The following ATRN variants were observed in gnomAD, a reference collection of about 807,000 sequenced individuals.
ATRN encodes attractin.
A neutral mutation model predicts 178.7 loss-of-function variants in ATRN; 54 were observed. The ratio of observed to expected loss-of-function variants is 0.30; its 90% CI spans 0.24 to 0.38. The LOEUF (loss-of-function observed/expected upper bound fraction) is 0.38. Among genes scored for constraint, ATRN ranks in the 10% least tolerant of loss-of-function variants. The pLI is 1.00. For synonymous variants in ATRN, 636 were observed against 663.0 expected (o/e 0.96, Z 0.63); for missense variants, 1,443 against 1,815.1 (o/e 0.79, Z 3.73).
At chr20:3,548,619 AAGAT>A (rs2085742609) in intron 5 of ATRN, among the ~76,000 whole-genome samples, 1 of 134,128 alleles carries the variant, frequency 7.5e-6, no homozygotes, top group African/African-American at 2.7e-5. Flanking sequence ...AAAAAAAAAA[AAGAT>A]AATACAAATA....
At chr20:3,582,110 A>G (rs938867568) in intron 15 of ATRN, 25 bp from the exon 16 acceptor site, 20 of 1,582,048 alleles carry the variant, frequency 1.3e-5, no homozygotes, top group Middle Eastern at 1.7e-4. Context: ...ATCTGTATTC[A>G]TAGTTGTGTC....
At chr20:3,590,239 C>G (rs1053990697) in intron 18 of ATRN, among the ~76,000 whole-genome samples, 17 of 152,208 alleles carry the variant, frequency 1.1e-4, no homozygotes, top group African/African-American at 4.1e-4. Flanking sequence ...GCATGAGCCA[C>G]CACACCCAGC....
chr20:3,604,055 C>G (rs755070462), intron 23 of ATRN, 50 bp from the exon 24 acceptor site: 1 of 1,503,854 alleles, frequency 6.6e-7, no homozygotes, highest in Non-Finnish European at 8.9e-7. Flanking sequence ...CTGTTCTCCC[C>G]CTAGCCCCCC....
chr20:3,604,366 G>A, intron 24 of ATRN, 104 bp downstream of exon 24: 1 of 1,345,674 alleles, frequency 7.4e-7, no homozygotes, highest in Non-Finnish European at 1.0e-6. Context: ...TGTGCAATGT[G>A]GCTTTGCCTT....
At chr20:3,583,075 G>A (rs910199929) in intron 16 of ATRN, among the ~76,000 whole-genome samples, 7 of 152,202 alleles carry the variant, frequency 4.6e-5, no homozygotes, top group African/African-American at 1.7e-4. Flanking sequence ...CCAATTTTGG[G>A]AAAGTAATTT....
intron 1 of ATRN, 40 bp downstream of exon 1, chr20:3,471,557 A>T: frequency 7.3e-7 from 1 of 1,370,378 alleles, no homozygotes; most frequent in Admixed American, 4.0e-5. Context: ...GTCCAACCAG[A>T]GGCTGGGGCT....
Position 3,646,992 on chromosome 20 carries a change from C to G in ATRN, c.*145C>G. 9.2e-7 allele frequency: 1 copy of G among 1,086,330 alleles called. No homozygotes were observed. Among genetic ancestry groups the G allele is most frequent in the Non-Finnish European group, 1.3e-6 (1 of 795,192 alleles). 67.3% of individuals were successfully genotyped at this position (1,086,330 alleles called of 1,614,324 possible). A position where few individuals can be genotyped will look rare whatever the true frequency, so the allele number is the denominator to read the frequency against. ...AAAGCATCTGACTCACCTGCATGAT[C>G]ACAAGCTTTCTTTGACGGTTTCTCC... On this transcript the variant is annotated 3_prime_UTR_variant, in exon 29 of 29. Coordinates refer to ENST00000262919, the MANE Select transcript of ATRN (RefSeq NM_139321.3).
chr20:3,564,088 T>G lies in ATRN; in HGVS notation c.1786+725T>G, dbSNP rs1044460762. 2.0e-5 allele frequency among the ~76,000 whole-genome samples: 3 copies of G among 152,346 alleles called. No homozygotes were observed. The East Asian group carries it at 5.8e-4, about 29-fold the overall frequency. ...ACTATTCTACAGTCTGTCTCTGTGA[T>G]TTTGACTATTCCAAGTCAGACATTC... is the stretch of plus-strand genomic sequence containing the variant. On this transcript the variant is annotated intron_variant, in intron 10 of 28. Transcript: ENST00000262919.
At position 3,554,990 on chromosome 20, in the gene ATRN, C is replaced by CT. The variant is rs536209701; in HGVS notation, c.1113-4373dup. On this transcript the variant is annotated intron_variant, in intron 6 of 28. Coordinates refer to ENST00000262919, the MANE Select transcript of ATRN (RefSeq NM_139321.3). Reference sequence around the variant, plus strand: ...TGGAACACCAAGTGTGACCTGACCTCTTTTTTTTTTTTTTTTTTTTTTTTT... The same window carrying CT: ...TGGAACACCAAGTGTGACCTGACCTCTTTTTTTTTTTTTTTTTTTTTTTTTT... 6.9e-3 allele frequency among the ~76,000 whole-genome samples: 463 copies of CT among 67,488 alleles called. 81 individuals carry two copies. Among genetic ancestry groups the CT allele is most frequent in the African/African-American group, 0.013 (192 of 14,244 alleles). The allele number at this position is 67,488 out of a possible 152,430, so 44.3% of individuals were successfully genotyped here. A position where few individuals can be genotyped will look rare whatever the true frequency, so the allele number is the denominator to read the frequency against.
At chr20:3,572,421 A>G (rs1480807763) in intron 11 of ATRN, among the ~76,000 whole-genome samples, 2 of 152,166 alleles carry the variant, frequency 1.3e-5, no homozygotes, top group Non-Finnish European at 2.9e-5. Context: ...AAAGGATGGA[A>G]TTTGGAAAGG....
At chr20:3,490,592 G>A (rs1568684222) in intron 1 of ATRN, 1 of 1,048,460 alleles carries the variant, frequency 9.5e-7, no homozygotes, top group South Asian at 1.3e-5. Context: ...TAACAGTCAC[G>A]GAGATCGAGG....
Position 3,648,998 on chromosome 20 carries a change from G to C in ATRN, c.*2151G>C, listed in dbSNP as rs2087126823. The stretch of plus-strand genomic sequence containing the variant: ...CATGCACCATGACCCACAGCCATCT[G>C]GTTATGTCTTATTTTTTTCCTAAAA... On this transcript the variant is annotated 3_prime_UTR_variant, in exon 29 of 29. Transcript: ENST00000262919. 1 of 152,194 alleles carries C rather than the reference G, an allele frequency of 6.6e-6. No individual in the cohort carries two copies. The highest frequency in any genetic ancestry group is 2.1e-4 in the South Asian group (1 of 4,832). 9.4% of individuals were successfully genotyped at this position (152,194 alleles called of 1,614,324 possible).
intron 21 of ATRN, 138 bp downstream of exon 21, chr20:3,596,567 C>T: frequency 6.2e-6 from 5 of 800,402 alleles, no homozygotes; most frequent in Non-Finnish European, 1.0e-5. Context: ...GATATGTTTA[C>T]ATTCTGTTAA....
At chr20:3,489,457 T>A (rs1296918641) in intron 1 of ATRN, 12 of 868,800 alleles carry the variant, frequency 1.4e-5, no homozygotes, top group Non-Finnish European at 2.4e-5. Flanking sequence ...GAGAATTTGG[T>A]TGGGAGAAAT....
At chr20:3,613,989 C>T (rs552265508) in intron 24 of ATRN, among the ~76,000 whole-genome samples, 1 of 152,214 alleles carries the variant, frequency 6.6e-6, no homozygotes, top group Non-Finnish European at 1.5e-5. Context: ...TTCCTTCACT[C>T]TGAACCAATC....
At chr20:3,559,123 G>A (rs185743692) in intron 6 of ATRN, among the ~76,000 whole-genome samples, 24 of 152,254 alleles carry the variant, frequency 1.6e-4, no homozygotes, top group Admixed American at 1.2e-3. Flanking sequence ...TTTAGACTGT[G>A]TATAGAAGAG....
chr20:3,519,006 T>TATATATAAAAAAAA (rs770584938), intron 1 of ATRN, among the ~76,000 whole-genome samples: 43 of 119,476 alleles, frequency 3.6e-4, no homozygotes, highest in African/African-American at 1.3e-3. Flanking sequence ...TCCTTATATA[T>TATATATAAAAAAAA]AAAAAAAAAA....
rs879057764 is a variant in ATRN at position 3,596,411 on chromosome 20, C to T, written c.3451C>T (p.Leu1151Phe). 5 of 1,613,582 alleles carry T rather than the reference C, an allele frequency of 3.1e-6. No homozygotes were observed. The highest frequency in any genetic ancestry group is 1.1e-5 in the South Asian group (1 of 91,070). Residue 1151 changes from leucine to phenylalanine, a missense_variant, in exon 21 of 29, where the codon CTC becomes TTC. Around this residue, in one of 4 missense-constraint regions of ATRN, gnomAD observed 289 missense variants for 440.8 expected, o/e 0.66. Coordinates refer to ENST00000262919, the MANE Select transcript of ATRN (RefSeq NM_139321.3). ...EVENRYQGNP[L>F]RGTCYYTLLI... ...AGAAAATCGATACCAAGGAAACCCT[C>T]TCAGAGGAACATGTTATTGTAAGTG...
At chr20:3,471,871 C>G (rs1321356757) in intron 1 of ATRN, among the ~76,000 whole-genome samples, 1 of 152,150 alleles carries the variant, frequency 6.6e-6, no homozygotes, top group Non-Finnish European at 1.5e-5. Flanking sequence ...GGTGGTCGAG[C>G]CAGGTTTGCT....
Sources: gnomAD v4.1 joint callset for allele counts (sites outside exome capture counted in the v4.1 genomes callset) on GRCh38, gnomAD v4.1.1 for gene constraint, gnomAD v4.1.1 regional missense constraint, MANE v1.5 for transcripts, NCBI Gene and HGNC (gene_info 2026-07-23, HGNC 2026-07-21) for gene names.